Variants in USP15 observed in about 807,000 individuals in gnomAD.
USP15 encodes ubiquitin specific peptidase 15.
A neutral mutation model predicts 127.1 loss-of-function variants in USP15; 18 were observed. The ratio of observed to expected loss-of-function variants is 0.14; its 90% CI spans 0.10 to 0.21. USP15 has a LOEUF of 0.21. USP15 is among the 10% of genes least tolerant of loss of function. USP15 has a pLI of 1.00. For missense variants in USP15, 805 were observed against 1,159.9 expected (o/e 0.69, Z 4.44); for synonymous variants, 364 against 393.7 (o/e 0.92, Z 0.89).
intron 2 of USP15, among the ~76,000 whole-genome samples, chr12:62,295,661 T>C (rs1365758497): frequency 6.6e-6 from 1 of 152,240 alleles, no homozygotes; most frequent in Non-Finnish European, 1.5e-5. Context: ...AACCCAGCTC[T>C]ATGAATAATC....
intron 11 of USP15, among the ~76,000 whole-genome samples, chr12:62,385,425 A>G (rs1319309779): frequency 3.9e-5 from 6 of 152,020 alleles, no homozygotes; most frequent in Non-Finnish European, 8.8e-5. Flanking sequence ...GACAGGGTAT[A>G]TGTAGTGTTC....
intron 8 of USP15, among the ~76,000 whole-genome samples, chr12:62,379,279 A>G (rs2066918543): frequency 6.6e-6 from 1 of 151,882 alleles, no homozygotes; most frequent in Admixed American, 6.6e-5. Context: ...ATGTGGAGGA[A>G]TGACTAATTA....
intron 16 of USP15, 100 bp from the exon 17 acceptor site, chr12:62,391,716 G>C: frequency 9.2e-7 from 1 of 1,082,950 alleles, no homozygotes; most frequent in Non-Finnish European, 1.3e-6. Context: ...AAGTAGAAAA[G>C]ATTGCTGTTT....
intron 8 of USP15, among the ~76,000 whole-genome samples, chr12:62,355,755 G>A (rs1445774808): frequency 1.3e-5 from 2 of 148,838 alleles, no homozygotes; most frequent in African/African-American, 2.5e-5. Flanking sequence ...GTCTAAAAAG[G>A]GAGGGAAAAA....
In USP15 at chr12:62,299,210, G is replaced by C. The variant is rs113312854; in HGVS notation, c.218-3580G>C. 3.1e-3 allele frequency among the ~76,000 whole-genome samples: 470 copies of C among 152,056 alleles called. 1 individual carries two copies. Among genetic ancestry groups the C allele is most frequent in the African/African-American group, 9.9e-3 (409 of 41,480 alleles). Reference sequence around the variant, plus strand: ...ACTGCAACCTCCGCATCCCAGGTTCGAGCGATTATCCTACCTCAGCCTGCC... The same window carrying C: ...ACTGCAACCTCCGCATCCCAGGTTCCAGCGATTATCCTACCTCAGCCTGCC... On this transcript the variant is annotated intron_variant, in intron 2 of 21. Transcript: ENST00000280377.
chr12:62,309,165 A>G (rs1256830031), intron 3 of USP15, among the ~76,000 whole-genome samples: 1 of 92,310 alleles, frequency 1.1e-5, no homozygotes, highest in Non-Finnish European at 2.3e-5. Flanking sequence ...AGACCAGTAA[A>G]GTAAAGATGA....
chr12:62,274,570 A>G (rs2063432329), intron 1 of USP15, among the ~76,000 whole-genome samples: 1 of 152,088 alleles, frequency 6.6e-6, no homozygotes, highest in African/African-American at 2.4e-5. Flanking sequence ...ACTTGAGCTC[A>G]GGTGTTTGAG....
rs556034872 is a variant in USP15, at chr12:62,393,263, T to C, written c.2570+61T>C. ...CTCTTCTTTCAAACTTATTTGATGC[T>C]TTTTGTTATTATCCTTTAGTAAACA... On this transcript the variant is annotated intron_variant, in intron 19 of 21. Coordinates refer to ENST00000280377, the MANE Select transcript of USP15 (RefSeq NM_001252078.2). 5 of 1,563,936 alleles carry C rather than the reference T, an allele frequency of 3.2e-6. No homozygotes were observed. The South Asian group carries it at 6.0e-5, about 19-fold the overall frequency.
intron 17 of USP15, 136 bp downstream of exon 17, chr12:62,392,022 A>G (rs552081085): frequency 6.3e-6 from 6 of 954,438 alleles, no homozygotes; most frequent in Admixed American, 3.2e-5. Context: ...TTGGTCATGA[A>G]CTAGAAAAAA....
intron 6 of USP15, chr12:62,336,404 G>A: frequency 2.0e-6 from 2 of 985,388 alleles, no homozygotes; most frequent in Non-Finnish European, 2.4e-6. Context: ...GCCATCCTGA[G>A]TTCCTCCTCC....
At chr12:62,376,681 C>T (rs2066840255) in intron 8 of USP15, among the ~76,000 whole-genome samples, 1 of 151,956 alleles carries the variant, frequency 6.6e-6, no homozygotes, top group Admixed American at 6.6e-5. Context: ...ATGATACATT[C>T]ATATATATTC....
intron 3 of USP15, chr12:62,303,663 A>G (rs1395997417): frequency 6.6e-6 from 1 of 150,546 alleles, no homozygotes; most frequent in Admixed American, 6.6e-5. Flanking sequence ...ACATAAGGGT[A>G]AAAAAACCTC....
chr12:62,342,612 G>A (rs1592629462), intron 6 of USP15, among the ~76,000 whole-genome samples: 1 of 152,116 alleles, frequency 6.6e-6, no homozygotes, highest in Non-Finnish European at 1.5e-5. Context: ...TTTTGTTGAT[G>A]TTGTTGCTTT....
chr12:62,318,351 A>G (rs1395268757), intron 4 of USP15, among the ~76,000 whole-genome samples: 1 of 152,164 alleles, frequency 6.6e-6, no homozygotes, highest in African/African-American at 2.4e-5. Flanking sequence ...TGACCTTGCC[A>G]TTGACAAATC....
At chr12:62,374,084 A>G (rs953797512) in intron 8 of USP15, among the ~76,000 whole-genome samples, 1 of 152,026 alleles carries the variant, frequency 6.6e-6, no homozygotes, top group African/African-American at 2.4e-5. Flanking sequence ...AACAATTGAC[A>G]TGGCGAATAT....
chr12:62,315,180 T>G, intron 4 of USP15: 1 of 217,356 alleles, frequency 4.6e-6, no homozygotes, highest in African/African-American at 2.3e-5. Flanking sequence ...GCAACTGGTG[T>G]GTCATTTGTA....
intron 8 of USP15, among the ~76,000 whole-genome samples, chr12:62,359,017 G>A (rs1010043335): frequency 1.3e-4 from 19 of 151,924 alleles, no homozygotes; most frequent in Non-Finnish European, 2.1e-4. Context: ...TAGATATTGT[G>A]ATTTTCAAAC....
In USP15 at chr12:62,303,920, G is replaced by C. The variant is rs180782627; in HGVS notation, c.348+1000G>C. Among the ~76,000 whole-genome samples, 43 of 152,126 alleles carry C rather than the reference G, an allele frequency of 2.8e-4. 1 individual carries two copies. The highest frequency in any genetic ancestry group is 9.9e-4 in the African/African-American group (41 of 41,506). On this transcript the variant is annotated intron_variant, in intron 3 of 21. Coordinates refer to ENST00000280377, the MANE Select transcript of USP15 (RefSeq NM_001252078.2). Reference sequence around the variant, plus strand: ...TGCTAGCCTTATAGATCTGTGAAATGATCTAGTTGCTTTATCTATAGTTGC... The same window carrying C: ...TGCTAGCCTTATAGATCTGTGAAATCATCTAGTTGCTTTATCTATAGTTGC...
chr12:62,378,049 A>T (rs2066884310), intron 8 of USP15, among the ~76,000 whole-genome samples: 1 of 151,924 alleles, frequency 6.6e-6, no homozygotes, highest in Non-Finnish European at 1.5e-5. Flanking sequence ...TCTACAAAAA[A>T]TACAAAAATT....
Sources: allele counts gnomAD v4.1 joint callset (sites outside exome capture counted in the v4.1 genomes callset), GRCh38; gene constraint gnomAD v4.1.1; transcripts MANE v1.5; gene names NCBI Gene and HGNC (gene_info 2026-07-23, HGNC 2026-07-21).